Variants in ANK3 observed in about 807,000 individuals in gnomAD.
ANK3 encodes ankyrin-3.
A neutral mutation model predicts 370.9 loss-of-function variants in ANK3; 57 were observed. That is an observed-to-expected ratio of 0.15 (90% CI 0.12 to 0.19). ANK3 has a LOEUF of 0.19. ANK3 is among the 10% of genes least tolerant of loss of function. The probability of loss-of-function intolerance (pLI) is 1.00; values close to 1 mark genes in which losing one functional copy is unlikely to be tolerated. For synonymous variants in ANK3, 1,929 were observed against 1,946.3 expected, an observed-to-expected ratio of 0.99 and a Z score of 0.23; for missense variants, 4,439 against 5,302.1, an observed-to-expected ratio of 0.84 and a Z score of 5.06.
intron 1 of ANK3, among the ~76,000 whole-genome samples, chr10:60,702,233 T>A (rs948585948): frequency 2.0e-5 from 3 of 148,098 alleles, no homozygotes; most frequent in African/African-American, 7.5e-5. Context: ...GCCACTGCAC[T>A]CCAGCCTGGG....
chr10:60,470,462 T>C (rs1330052579), intron 2 of ANK3, among the ~76,000 whole-genome samples: 2 of 7,034 alleles, frequency 2.8e-4, no homozygotes, highest in Non-Finnish European at 3.5e-3. Flanking sequence ...AGCAATTTTA[T>C]ACTCTTTTTT....
intron 25 of ANK3, among the ~76,000 whole-genome samples, chr10:60,133,171 G>A (rs1045124216): frequency 6.6e-6 from 1 of 152,146 alleles, no homozygotes; most frequent in Non-Finnish European, 1.5e-5. Flanking sequence ...TTATTCATCT[G>A]CTCCAATTCA....
chr10:60,668,674 G>A (rs2079028939), intron 1 of ANK3, among the ~76,000 whole-genome samples: 1 of 152,096 alleles, frequency 6.6e-6, no homozygotes. Context: ...TTACCCTCCA[G>A]AAAGCTTTGT....
intron 28 of ANK3, among the ~76,000 whole-genome samples, chr10:60,104,784 A>G (rs1038468955): frequency 1.3e-5 from 2 of 152,164 alleles, no homozygotes; most frequent in African/African-American, 4.8e-5. Context: ...TAATGGTGAT[A>G]ATAACTCATA....
intron 5 of ANK3, among the ~76,000 whole-genome samples, chr10:60,264,300 T>C (rs1384481089): frequency 6.6e-6 from 1 of 152,086 alleles, no homozygotes; most frequent in Non-Finnish European, 1.5e-5. Flanking sequence ...TTTGAAAGTG[T>C]ACAAAAATAC....
At chr10:60,608,132 T>C (rs1377989106) in intron 2 of ANK3, among the ~76,000 whole-genome samples, 1 of 152,150 alleles carries the variant, frequency 6.6e-6, no homozygotes, top group Non-Finnish European at 1.5e-5. Flanking sequence ...TGCTCCCCCA[T>C]CCATAAATTG....
chr10:60,049,102 G>GTGTT (rs974044144), intron 42 of ANK3, among the ~76,000 whole-genome samples: 10 of 152,266 alleles, frequency 6.6e-5, no homozygotes, highest in African/African-American at 2.2e-4. Context: ...AATTTATAAA[G>GTGTT]TGTTTTTGTT....
At chr10:60,178,205 T>C (rs562509280) in intron 18 of ANK3, among the ~76,000 whole-genome samples, 8 of 152,304 alleles carry the variant, frequency 5.3e-5, no homozygotes, top group Admixed American at 5.2e-4. Flanking sequence ...ATCCCCATTT[T>C]TCTTCACATG....
chr10:60,549,769 G>A (rs12267670), intron 2 of ANK3, among the ~76,000 whole-genome samples: 2,610 of 152,190 alleles, frequency 0.017, 78 homozygotes, highest in African/African-American at 0.059. Context: ...AATGAAAGAG[G>A]AGATCCAAAG....
chr10:60,399,428 G>C (rs61847577), intron 2 of ANK3, among the ~76,000 whole-genome samples: 1 of 152,148 alleles, frequency 6.6e-6, no homozygotes, highest in East Asian at 1.9e-4. Context: ...TTCAGAGAAA[G>C]GGAAGGGCCA....
chr10:60,140,295 C>T, intron 23 of ANK3: 3 of 1,555,634 alleles, frequency 1.9e-6, no homozygotes, highest in South Asian at 1.1e-5. Context: ...GCTATTTGCA[C>T]ATTCACTGCA....
At chr10:60,618,302 T>C in intron 1 of ANK3, among the ~76,000 whole-genome samples, 1 of 152,188 alleles carries the variant, frequency 6.6e-6, no homozygotes, top group East Asian at 1.9e-4. Flanking sequence ...TTATAAAACG[T>C]CTTCTAATAA....
chr10:60,123,039 A>G (rs140689010), intron 25 of ANK3, among the ~76,000 whole-genome samples: 162 of 152,322 alleles, frequency 1.1e-3, no homozygotes, highest in African/African-American at 3.8e-3. Context: ...GAGTTGTCAG[A>G]ACCTATTAGC....
chr10:60,238,151 C>T (rs574938904), intron 7 of ANK3, among the ~76,000 whole-genome samples: 188 of 152,304 alleles, frequency 1.2e-3, no homozygotes, highest in African/African-American at 3.0e-3. Flanking sequence ...GGCCACTCAA[C>T]GGACTACTCA....
chr10:60,463,460 T>G (rs1477209922), intron 2 of ANK3, among the ~76,000 whole-genome samples: 1 of 152,182 alleles, frequency 6.6e-6, no homozygotes, highest in Non-Finnish European at 1.5e-5. Context: ...GGCATGTTTT[T>G]GTAAAGCTCC....
At chr10:60,056,426 G>C (rs1013064143) in intron 41 of ANK3, among the ~76,000 whole-genome samples, 1 of 152,108 alleles carries the variant, frequency 6.6e-6, no homozygotes, top group Non-Finnish European at 1.5e-5. Context: ...CTGAGATTGT[G>C]CCACTGTATT....
chr10:60,296,337 A>G (rs1379571298), intron 1 of ANK3, among the ~76,000 whole-genome samples: 1 of 152,192 alleles, frequency 6.6e-6, no homozygotes, highest in Non-Finnish European at 1.5e-5. Context: ...GATGCTGCCA[A>G]AAAGATAGCA....
chr10:60,139,575 A>T (rs4948254), intron 23 of ANK3: 101,939 of 153,316 alleles, frequency 0.66, 34,149 homozygotes, highest in East Asian at 0.79. Context: ...TTGGGGCTTA[A>T]GTAAGAAACT....
At chr10:60,251,166 T>A (rs368971533) in intron 7 of ANK3, among the ~76,000 whole-genome samples, 3 of 152,344 alleles carry the variant, frequency 2.0e-5, no homozygotes, top group African/African-American at 7.2e-5. Flanking sequence ...ACATGAAAGC[T>A]ATTAACTAAA....
Sources: allele counts gnomAD v4.1 joint callset (sites outside exome capture counted in the v4.1 genomes callset), GRCh38; gene constraint gnomAD v4.1.1; transcripts MANE v1.5; gene names NCBI Gene and HGNC (gene_info 2026-07-23, HGNC 2026-07-21).